Variants in SH3KBP1 observed in about 807,000 individuals in gnomAD.
The protein encoded by SH3KBP1 is SH3 domain-containing kinase-binding protein 1.
In SH3KBP1, 8 loss-of-function variants were observed where a neutral mutation model predicts 50.1. That is an observed-to-expected ratio of 0.16 (90% CI 0.09 to 0.29). SH3KBP1 has a LOEUF of 0.29. Among genes scored for constraint, SH3KBP1 ranks in the 10% least tolerant of loss-of-function variants. SH3KBP1 has a pLI of 1.00. For synonymous variants in SH3KBP1, 227 were observed against 218.6 expected, an observed-to-expected ratio of 1.04 and a Z score of -0.34; for missense variants, 377 against 535.2, an observed-to-expected ratio of 0.70 and a Z score of 2.92.
At chrX:19,615,917 C>CTTT (rs778419717) in intron 8 of SH3KBP1, among the ~76,000 whole-genome samples, 1 of 96,707 alleles carries the variant, frequency 1.0e-5, no homozygotes, top group Non-Finnish European at 2.1e-5. Flanking sequence ...CAGTCATTCA[C>CTTT]TTTTTTTTTT....
At chrX:19,758,674 C>A (rs1042647513) in intron 2 of SH3KBP1, among the ~76,000 whole-genome samples, 3 of 111,424 alleles carry the variant, frequency 2.7e-5, no homozygotes, top group African/African-American at 9.8e-5. Flanking sequence ...ACTGTTAAAT[C>A]ACGTGCTAGA....
In SH3KBP1 at chrX:19,567,214, C is replaced by A. The variant is rs182353545; in HGVS notation, c.1384+1889G>T. On this transcript the variant is annotated intron_variant, in intron 13 of 17. Transcript: ENST00000397821. ...TCTTGACTGGTGGTAGATACACAAACCTACATGTATGATAAAATTGCAGGC... is the reference window on the plus strand; with the variant it reads ...TCTTGACTGGTGGTAGATACACAAAACTACATGTATGATAAAATTGCAGGC... Among the ~76,000 whole-genome samples the A allele has an allele frequency of 1.9e-4, 21 of 108,699 alleles. No individual in the cohort carries two copies. In the Middle Eastern group the frequency reaches 0.014, roughly 72 times the overall value. The allele number at this position is 108,699 out of a possible 115,157, so 94.4% of individuals were successfully genotyped here.
chrX:19,607,715 GT>G lies in SH3KBP1; in HGVS notation c.1005+222del, dbSNP rs750974370. ...CCGAGTGCTTTACACACACTATCTT[GT>G]TTATGTATGCAACAACCGCAGAGTA... On this transcript the variant is annotated intron_variant, in intron 9 of 17. Coordinates refer to ENST00000397821, the MANE Select transcript of SH3KBP1 (RefSeq NM_031892.3). 1.4e-4 allele frequency among the ~76,000 whole-genome samples: 16 copies of G among 112,077 alleles called. No homozygotes were observed. In the East Asian group the frequency reaches 4.5e-3, roughly 31 times the overall value.
intron 2 of SH3KBP1, among the ~76,000 whole-genome samples, chrX:19,764,987 T>C (rs905982544): frequency 3.5e-5 from 2 of 57,250 alleles, no homozygotes; most frequent in Non-Finnish European, 6.2e-5. Context: ...TTTGCAGTTC[T>C]TTTTTTTTTT....
intron 3 of SH3KBP1, among the ~76,000 whole-genome samples, chrX:19,736,111 G>A (rs1208423977): frequency 2.7e-5 from 3 of 111,543 alleles, no homozygotes; most frequent in African/African-American, 6.5e-5. Flanking sequence ...ATGAAAACAC[G>A]TTTTATTATT....
intron 2 of SH3KBP1, among the ~76,000 whole-genome samples, chrX:19,817,777 G>A (rs1045749605): frequency 1.8e-5 from 2 of 111,223 alleles, no homozygotes; most frequent in Non-Finnish European, 3.8e-5. Flanking sequence ...TGGGATTACA[G>A]GCACAGGCAA....
chrX:19,853,864 A>C (rs2068577508), intron 1 of SH3KBP1, among the ~76,000 whole-genome samples: 1 of 108,798 alleles, frequency 9.2e-6, no homozygotes, highest in Non-Finnish European at 1.9e-5. Context: ...TGGGAGGCTG[A>C]GGCAGAAGAA....
intron 8 of SH3KBP1, among the ~76,000 whole-genome samples, chrX:19,617,475 T>C (rs986192001): frequency 8.9e-6 from 1 of 112,517 alleles, no homozygotes; most frequent in Non-Finnish European, 1.9e-5. Flanking sequence ...CAAGGTCTAA[T>C]TCCCAAAAGA....
At chrX:19,795,515 T>C (rs1243758532) in intron 2 of SH3KBP1, among the ~76,000 whole-genome samples, 2 of 111,635 alleles carry the variant, frequency 1.8e-5, no homozygotes, top group Non-Finnish European at 3.8e-5. Flanking sequence ...TCCTCCTCCA[T>C]GTTCACATTT....
intron 9 of SH3KBP1, among the ~76,000 whole-genome samples, chrX:19,597,247 G>C (rs1320039007): frequency 8.9e-6 from 1 of 111,930 alleles, no homozygotes; most frequent in Non-Finnish European, 1.9e-5. Context: ...TGGGTGACCA[G>C]ATGCATTGTC....
At chrX:19,869,659 G>A (rs912421040) in intron 1 of SH3KBP1, among the ~76,000 whole-genome samples, 1 of 112,445 alleles carries the variant, frequency 8.9e-6, no homozygotes, top group Non-Finnish European at 1.9e-5. Flanking sequence ...CAATATATCT[G>A]GGATACCAAA....
intron 6 of SH3KBP1, among the ~76,000 whole-genome samples, chrX:19,651,609 T>A (rs1295829588): frequency 1.8e-5 from 2 of 112,637 alleles, no homozygotes; most frequent in Non-Finnish European, 3.8e-5. Context: ...CTTGGTTGCC[T>A]CAAAAAGTTA....
At chrX:19,773,660 T>C (rs1200895450) in intron 2 of SH3KBP1, among the ~76,000 whole-genome samples, 1 of 108,206 alleles carries the variant, frequency 9.2e-6, no homozygotes, top group Non-Finnish European at 1.9e-5. Context: ...ACTGAGATCA[T>C]CCTGGCTAAC....
At chrX:19,705,364 A>G (rs1201180106) in intron 4 of SH3KBP1, among the ~76,000 whole-genome samples, 1 of 111,638 alleles carries the variant, frequency 9.0e-6, no homozygotes, top group Non-Finnish European at 1.9e-5. Flanking sequence ...CAAAATCTTA[A>G]CCATTTTTCT....
At chrX:19,845,361 C>T (rs909324718) in intron 1 of SH3KBP1, among the ~76,000 whole-genome samples, 6 of 107,525 alleles carry the variant, frequency 5.6e-5, no homozygotes, top group Non-Finnish European at 1.2e-4. Context: ...ACCTGTAGTC[C>T]CCGCTACTCG....
chrX:19,841,070 C>G (rs1016900260), intron 1 of SH3KBP1, among the ~76,000 whole-genome samples: 16 of 112,120 alleles, frequency 1.4e-4, no homozygotes, highest in Admixed American at 2.8e-4. Context: ...TCTCCTCCCC[C>G]AAAGACGAAA....
chrX:19,789,283 G>A (rs1408781366), intron 2 of SH3KBP1, among the ~76,000 whole-genome samples: 1 of 111,365 alleles, frequency 9.0e-6, no homozygotes, highest in East Asian at 2.8e-4. Flanking sequence ...GTACCTCCTA[G>A]AAGCCAGGCA....
chrX:19,733,912 G>A (rs1301213251), intron 3 of SH3KBP1, among the ~76,000 whole-genome samples: 2 of 112,066 alleles, frequency 1.8e-5, no homozygotes, highest in Admixed American at 1.9e-4. Flanking sequence ...CTTCAGTAGT[G>A]AGACAGATCA....
chrX:19,554,390 T>C (rs1268844114), intron 13 of SH3KBP1, among the ~76,000 whole-genome samples: 1 of 97,098 alleles, frequency 1.0e-5, no homozygotes, highest in Non-Finnish European at 2.0e-5. Context: ...TATATCATAT[T>C]AAAATATGAT....
Sources: allele counts gnomAD v4.1 joint callset (sites outside exome capture counted in the v4.1 genomes callset), GRCh38; gene constraint gnomAD v4.1.1; transcripts MANE v1.5; gene names NCBI Gene and HGNC (gene_info 2026-07-23, HGNC 2026-07-21).